Variants in PDE8A observed in about 807,000 individuals in gnomAD.
PDE8A encodes the protein phosphodiesterase 8A, also known as high affinity cAMP-specific and IBMX-insensitive 3',5'-cyclic phosphodiesterase 8A.
Under a neutral mutation model 105.0 loss-of-function variants are expected in PDE8A, and 59 were observed. The observed-to-expected ratio is 0.56, with a 90% CI of 0.46 to 0.70. PDE8A has a LOEUF of 0.70. Ranked by LOEUF, PDE8A falls within the 30% of genes least tolerant of loss-of-function variation. PDE8A has a pLI of 0.00. For missense variants in PDE8A, 1,014 were observed against 1,045.9 expected, an observed-to-expected ratio of 0.97 and a Z score of 0.42; for synonymous variants, 355 against 371.9, an observed-to-expected ratio of 0.95 and a Z score of 0.52.
intron 1 of PDE8A, among the ~76,000 whole-genome samples, chr15:84,996,823 CAAAAAAA>C (rs34363361): frequency 1.5e-3 from 79 of 53,830 alleles, no homozygotes; most frequent in Admixed American, 8.7e-3. Flanking sequence ...AAGACTCTCT[CAAAAAAA>C]AAAAAAAAAA....
At chr15:85,063,530 A>G (rs954286311) in intron 1 of PDE8A, 1 of 152,180 alleles carries the variant, frequency 6.6e-6, no homozygotes, top group African/African-American at 2.4e-5. Flanking sequence ...TATACAGGCT[A>G]TTCAAATCTT....
chr15:85,007,224 TA>T (rs911314243), intron 1 of PDE8A, among the ~76,000 whole-genome samples: 3 of 151,956 alleles, frequency 2.0e-5, no homozygotes, highest in Non-Finnish European at 4.4e-5. Context: ...CAGTGTCAGT[TA>T]AAGGGGCCAA....
At chr15:85,025,908 TG>T (rs1352120238) in intron 1 of PDE8A, among the ~76,000 whole-genome samples, 1 of 152,180 alleles carries the variant, frequency 6.6e-6, no homozygotes, top group Non-Finnish European at 1.5e-5. Context: ...ACCATATATA[TG>T]GGGCAAAACA....
At chr15:85,041,118 C>CA (rs1309087097) in intron 1 of PDE8A, among the ~76,000 whole-genome samples, 2 of 152,066 alleles carry the variant, frequency 1.3e-5, no homozygotes, top group Non-Finnish European at 2.9e-5. Context: ...CATTTTAGGC[C>CA]AAACCTCAGT....
At chr15:85,072,866 A>G (rs2081331707) in intron 3 of PDE8A, among the ~76,000 whole-genome samples, 1 of 152,168 alleles carries the variant, frequency 6.6e-6, no homozygotes, top group South Asian at 2.1e-4. Context: ...TAATCCCAGC[A>G]CTTTGGGAGG....
intron 1 of PDE8A, among the ~76,000 whole-genome samples, chr15:85,048,203 AAACTT>A (rs796249877): frequency 3.5e-4 from 53 of 152,270 alleles, no homozygotes; most frequent in African/African-American, 1.3e-3. Context: ...GTTGTCGCTT[AAACTT>A]AAGTTTTTAA....
intron 3 of PDE8A, among the ~76,000 whole-genome samples, chr15:85,072,764 A>G (rs1411031100): frequency 2.0e-5 from 3 of 152,118 alleles, no homozygotes; most frequent in African/African-American, 7.2e-5. Flanking sequence ...GGTGTTTTCT[A>G]TCTTGTGTGG....
intron 1 of PDE8A, among the ~76,000 whole-genome samples, chr15:85,025,961 C>T (rs1288243791): frequency 1.3e-5 from 2 of 152,184 alleles, no homozygotes; most frequent in Non-Finnish European, 2.9e-5. Flanking sequence ...TCCCATCCAT[C>T]CCTAGTTGCA....
chr15:85,026,119 T>A (rs749334157), intron 1 of PDE8A, among the ~76,000 whole-genome samples: 1 of 152,200 alleles, frequency 6.6e-6, no homozygotes, highest in Non-Finnish European at 1.5e-5. Context: ...TTTAGCAGAT[T>A]ATGCCTAGCA....
chr15:84,985,490 C>T (rs1217163858), intron 1 of PDE8A, among the ~76,000 whole-genome samples: 1 of 152,142 alleles, frequency 6.6e-6, no homozygotes, highest in African/African-American at 2.4e-5. Flanking sequence ...GGATTTACCC[C>T]ATTTCCACTT....
At chr15:85,081,425 G>C (rs2174218) in intron 5 of PDE8A, among the ~76,000 whole-genome samples, 21,171 of 152,218 alleles carry the variant, frequency 0.14, 1,910 homozygotes, top group Middle Eastern at 0.24. Flanking sequence ...CTAATATGCA[G>C]CTGAGAGTTG....
chr15:85,113,667 G>A (rs549155646), intron 13 of PDE8A, among the ~76,000 whole-genome samples: 1 of 152,238 alleles, frequency 6.6e-6, no homozygotes, highest in South Asian at 2.1e-4. Flanking sequence ...GTCCTGTTGG[G>A]TTTTGTTTTG....
At chr15:85,045,988 G>GA (rs926068667) in intron 1 of PDE8A, among the ~76,000 whole-genome samples, 1 of 150,898 alleles carries the variant, frequency 6.6e-6, no homozygotes, top group Non-Finnish European at 1.5e-5. Flanking sequence ...AAGGATGAAG[G>GA]AAAAAAAGAG....
chr15:85,041,238 A>C (rs940161281), intron 1 of PDE8A, among the ~76,000 whole-genome samples: 1 of 152,202 alleles, frequency 6.6e-6, no homozygotes, highest in Non-Finnish European at 1.5e-5. Context: ...CTCAACCCCA[A>C]ACCTATTTCC....
intron 8 of PDE8A, chr15:85,097,727 C>T (rs1171348303): frequency 4.0e-6 from 2 of 495,936 alleles, no homozygotes; most frequent in Non-Finnish European, 7.2e-6. Flanking sequence ...AATATATGAC[C>T]ACTTAGACTA....
intron 1 of PDE8A, among the ~76,000 whole-genome samples, chr15:85,041,522 G>T (rs1464069258): frequency 6.6e-6 from 1 of 152,174 alleles, no homozygotes; most frequent in Non-Finnish European, 1.5e-5. Flanking sequence ...ATGCACTTAT[G>T]ACTACTACGA....
rs148807104 is a variant in PDE8A at position 85,128,332 on chromosome 15, G to A, written c.2253+1958G>A. Among the ~76,000 whole-genome samples, 354 of 152,090 alleles carry A rather than the reference G, an allele frequency of 2.3e-3. 1 individual carries two copies. The highest frequency in any genetic ancestry group is 0.014 in the Middle Eastern group (4 of 294). On this transcript the variant is annotated intron_variant, in intron 20 of 21. Transcript: ENST00000394553. ...CCAGCCTCAGCAAGATAATGAGACCGCATCACTAGAAAAAAAAATTTTTTT... is the reference window on the plus strand; with the variant it reads ...CCAGCCTCAGCAAGATAATGAGACCACATCACTAGAAAAAAAAATTTTTTT...
intron 1 of PDE8A, among the ~76,000 whole-genome samples, chr15:84,993,442 C>CAAAAAAAAAAAA (rs11362736): frequency 2.7e-5 from 2 of 73,114 alleles, no homozygotes; most frequent in African/African-American, 1.1e-4. Context: ...GACTCCATCT[C>CAAAAAAAAAAAA]AAAAAAAAAA....
At chr15:85,089,729 G>T (rs1230425801) in intron 7 of PDE8A, among the ~76,000 whole-genome samples, 4 of 152,180 alleles carry the variant, frequency 2.6e-5, no homozygotes, top group Non-Finnish European at 5.9e-5. Context: ...GGGCTTGGGG[G>T]TAGTGCTGTT....
Sources: allele counts gnomAD v4.1 joint callset (sites outside exome capture counted in the v4.1 genomes callset), GRCh38; gene constraint gnomAD v4.1.1; transcripts MANE v1.5; gene names NCBI Gene and HGNC (gene_info 2026-07-23, HGNC 2026-07-21).